The following ETFBKMT variants were observed in gnomAD, a reference collection of about 807,000 sequenced individuals.
ETFBKMT encodes the protein electron transfer flavoprotein subunit beta lysine methyltransferase.
In ETFBKMT, 13 loss-of-function variants were observed where a neutral mutation model predicts 18.3. That is an observed-to-expected ratio of 0.71 (90% CI 0.46 to 1.13). The LOEUF is 1.13. ETFBKMT is among the 50% of genes most tolerant of loss of function. ETFBKMT has a pLI of 0.00. For missense variants in ETFBKMT, 293 were observed against 306.2 expected (o/e 0.96, Z 0.32); for synonymous variants, 84 against 107.9 (o/e 0.78, Z 1.37).
chr12:31,651,913 G>A (rs1431884316), intron 1 of ETFBKMT, among the ~76,000 whole-genome samples: 2 of 152,216 alleles, frequency 1.3e-5, no homozygotes, highest in African/African-American at 4.8e-5. Flanking sequence ...AGCAAGCTGG[G>A]AGCTTGCACG....
In ETFBKMT at chr12:31,669,820, CTTTT is replaced by C. The variant is rs141097213; in HGVS notation, c.*1843_*1846del. 21 of 140,014 alleles carry C rather than the reference CTTTT, an allele frequency of 1.5e-4. No individual in the cohort carries two copies. Among genetic ancestry groups the C allele is most frequent in the African/African-American group, 5.3e-4 (20 of 38,044 alleles). 8.7% of individuals were successfully genotyped at this position (140,014 alleles called of 1,614,324 possible). A position where few individuals can be genotyped will look rare whatever the true frequency, so the allele number is the denominator to read the frequency against. On this transcript the variant is annotated 3_prime_UTR_variant, in exon 4 of 4. Transcript: ENST00000357721. ...GGACAGATTCCTAGAGCTTTTGATT[CTTTT>C]TTTTTTTTTTTTGAGGCAGAGTTTC... is the stretch of plus-strand genomic sequence containing the variant.
In ETFBKMT at chr12:31,668,044, A is replaced by C; in HGVS notation, c.*54A>C. On this transcript the variant is annotated 3_prime_UTR_variant, in exon 4 of 4. Coordinates refer to ENST00000357721, the MANE Select transcript of ETFBKMT (RefSeq NM_001135863.2). ...TAGTAATGTTTGGATCTGACTCTAA[A>C]AGTTTTCTCTATAGGAGATACTCTC... 4 of 1,427,358 alleles carry C rather than the reference A, an allele frequency of 2.8e-6. No individual in the cohort carries two copies. The highest frequency in any genetic ancestry group is 3.8e-6 in the Non-Finnish European group (4 of 1,040,764). 88.4% of individuals were successfully genotyped at this position (1,427,358 alleles called of 1,614,324 possible). A position where few individuals can be genotyped will look rare whatever the true frequency, so the allele number is the denominator to read the frequency against.
intron 2 of ETFBKMT, 69 bp downstream of exon 2, chr12:31,662,336 A>G: frequency 6.8e-7 from 1 of 1,464,988 alleles, no homozygotes; most frequent in Non-Finnish European, 9.3e-7. Context: ...CAACCTCTAC[A>G]AAAAACCAGA....
chr12:31,666,642 A>G (rs895047117), intron 3 of ETFBKMT, among the ~76,000 whole-genome samples: 2 of 145,598 alleles, frequency 1.4e-5, no homozygotes, highest in Non-Finnish European at 3.1e-5. Context: ...GAAAACCTTT[A>G]TTTTATTTTA....
chr12:31,648,362 T>A (rs1950984731), intron 1 of ETFBKMT, among the ~76,000 whole-genome samples: 1 of 21,014 alleles, frequency 4.8e-5, no homozygotes, highest in African/African-American at 8.3e-5. Context: ...TGTAAATAGT[T>A]TTTTTTTTTT....
chr12:31,654,535 A>G (rs1951044175), upstream of ETFBKMT, among the ~76,000 whole-genome samples: 1 of 152,246 alleles, frequency 6.6e-6, no homozygotes, highest in Non-Finnish European at 1.5e-5. Flanking sequence ...GTTCATCAAC[A>G]TGTAAATGGA....
chr12:31,657,161 G>T (rs1359946517), upstream of ETFBKMT, among the ~76,000 whole-genome samples: 4 of 152,020 alleles, frequency 2.6e-5, no homozygotes, highest in Non-Finnish European at 4.4e-5. Context: ...GTAGGGAATA[G>T]AATTTTTTAC....
upstream of ETFBKMT, among the ~76,000 whole-genome samples, chr12:31,658,460 G>T (rs115960253): frequency 0.02 from 3,030 of 152,226 alleles, 107 homozygotes; most frequent in African/African-American, 0.069. Context: ...GCTGCATCTG[G>T]GGCTGTTGAC....
Position 31,667,964 on chromosome 12 carries a change from A to G in ETFBKMT, c.763A>G (p.Ser255Gly). 1 of 1,613,852 alleles carries G rather than the reference A, an allele frequency of 6.2e-7. No homozygotes were observed. The highest frequency in any genetic ancestry group is 1.1e-5 in the South Asian group (1 of 91,058). The change falls in exon 4 of 4, where the codon AGC becomes GGC. Residue 255 changes from serine to glycine, a missense_variant. By Grantham distance (56) the Ser-to-Gly change is moderately conservative. Coordinates refer to ENST00000357721, the MANE Select transcript of ETFBKMT (RefSeq NM_001135863.2). ...GCAGGAAAACAGTGGACTGACAACA[A>G]GCACAGTGTGGGGTTTTCAGCCTTG... ...TRQENSGLTT[S>G]TVWGFQP is the part of the protein sequence containing the mutation.
At chr12:31,665,157 G>A (rs1005581649) in intron 2 of ETFBKMT, among the ~76,000 whole-genome samples, 11 of 151,842 alleles carry the variant, frequency 7.2e-5, no homozygotes, top group African/African-American at 2.7e-4. Flanking sequence ...GACTGGTCTC[G>A]AACTCCTGAC....
chr12:31,648,804 G>A (rs551515330), intron 1 of ETFBKMT, among the ~76,000 whole-genome samples: 5 of 152,064 alleles, frequency 3.3e-5, no homozygotes, highest in African/African-American at 1.2e-4. Flanking sequence ...CTTGTGATCT[G>A]CCCACCTTGG....
chr12:31,653,679 G>A (rs538020176), intron 1 of ETFBKMT, among the ~76,000 whole-genome samples: 50 of 152,370 alleles, frequency 3.3e-4, no homozygotes, highest in Admixed American at 2.1e-3. Context: ...CGGGTGCGGT[G>A]GCTCAGGCCT....
upstream of ETFBKMT, among the ~76,000 whole-genome samples, chr12:31,655,785 A>C (rs1470521372): frequency 6.6e-6 from 1 of 152,218 alleles, no homozygotes; most frequent in Non-Finnish European, 1.5e-5. Flanking sequence ...TTTCCCAAGG[A>C]GCACGGGCCA....
Position 31,668,230 on chromosome 12 carries a change from AG to A in ETFBKMT, c.*242del. 1 of 441,494 alleles carries A rather than the reference AG, an allele frequency of 2.3e-6. No individual in the cohort carries two copies. The highest frequency in any genetic ancestry group is 4.0e-5 in the Admixed American group (1 of 25,212). The allele number at this position is 441,494 out of a possible 1,614,324, so 27.3% of individuals were successfully genotyped here. A position where few individuals can be genotyped will look rare whatever the true frequency, so the allele number is the denominator to read the frequency against. On this transcript the variant is annotated 3_prime_UTR_variant, in exon 4 of 4. Transcript: ENST00000357721. ...TTTTTTTTTCTATTTTAACCGCTGA[AG>A]GAATATGATTATACAATGCCATACT...
At chr12:31,647,811 AGAGG>A (rs1304344263) in intron 1 of ETFBKMT, among the ~76,000 whole-genome samples, 1 of 152,188 alleles carries the variant, frequency 6.6e-6, no homozygotes, top group Admixed American at 6.6e-5. Flanking sequence ...CCTTGGTGAC[AGAGG>A]GAGACTCCAT....
At chr12:31,654,882 G>T (rs918199386), upstream of ETFBKMT, among the ~76,000 whole-genome samples, 1 of 151,730 alleles carries the variant, frequency 6.6e-6, no homozygotes, top group African/African-American at 2.4e-5. Context: ...ATGGTGAAAC[G>T]CTGTCTCTAC....
Position 31,662,018 on chromosome 12 carries a change from G to A in ETFBKMT, c.65G>A (p.Arg22Gln), listed in dbSNP as rs138402033. The A allele has an allele frequency of 1.5e-4, 246 of 1,614,242 alleles. 1 individual carries two copies. The African/African-American group carries it at 2.0e-3, about 13-fold the overall frequency. Residue 22 changes from arginine to glutamine, a missense_variant, in exon 2 of 4, where the codon CGA (arginine) becomes CAA (glutamine). Physicochemically the swap from Arg to Gln is conservative, Grantham distance 43 (BLOSUM62 1). Transcript: ENST00000357721. ...NHCGLLLQAL[R>Q]SSGLLLFPCG... ...TGTGGTCTCCTCTTGCAGGCTCTGC[G>A]AAGCAGTGGTCTTCTCTTGTTTCCC...
chr12:31,658,926 CT>C (rs10716608), upstream of ETFBKMT, among the ~76,000 whole-genome samples: 58,191 of 137,132 alleles, frequency 0.42, 12,184 homozygotes, highest in Middle Eastern at 0.5. Context: ...TATACTGTGT[CT>C]TTTTTTTTTT....
At chr12:31,649,608 A>G (rs1950997818) in intron 1 of ETFBKMT, among the ~76,000 whole-genome samples, 1 of 152,102 alleles carries the variant, frequency 6.6e-6, no homozygotes, top group Admixed American at 6.5e-5. Context: ...TAATATTAAA[A>G]GTAATGGCCA....
Sources: allele counts gnomAD v4.1 joint callset (sites outside exome capture counted in the v4.1 genomes callset), GRCh38; gene constraint gnomAD v4.1.1; transcripts MANE v1.5; gene names NCBI Gene and HGNC (gene_info 2026-07-23, HGNC 2026-07-21).